PPP1R12B: variants seen among roughly 807,000 people sequenced by gnomAD.
The protein encoded by PPP1R12B is myosin phosphatase target subunit 2.
In PPP1R12B, 76 loss-of-function variants were observed where a neutral mutation model predicts 126.1. That is an observed-to-expected ratio of 0.60 (90% CI 0.50 to 0.73). The LOEUF (loss-of-function observed/expected upper bound fraction) is 0.73. PPP1R12B is among the 30% of genes least tolerant of loss of function. The pLI, the probability that PPP1R12B is intolerant of heterozygous loss-of-function variation, is 0.00. For missense variants in PPP1R12B, 1,052 were observed against 1,205.1 expected, an observed-to-expected ratio of 0.87 and a Z score of 1.88; for synonymous variants, 356 against 434.7, an observed-to-expected ratio of 0.82 and a Z score of 2.25.
At chr1:202,578,595 G>T (rs115583446) in intron 23 of PPP1R12B, among the ~76,000 whole-genome samples, 2,364 of 152,268 alleles carry the variant, frequency 0.016, 42 homozygotes, top group African/African-American at 0.047. Flanking sequence ...ATATTTTCTG[G>T]ATTAAGTCTT....
At chr1:202,559,060 A>T (rs1687254812) in intron 19 of PPP1R12B, among the ~76,000 whole-genome samples, 167 bp downstream of exon 19, 1 of 152,168 alleles carries the variant, frequency 6.6e-6, no homozygotes, top group African/African-American at 2.4e-5. Flanking sequence ...CTCCTGCCCA[A>T]AGCAATGGAA....
At position 202,472,379 on chromosome 1, in the gene PPP1R12B, A is replaced by G. The variant is rs185184520; in HGVS notation, c.1851-16154A>G. On this transcript the variant is annotated intron_variant, in intron 13 of 23. Coordinates refer to ENST00000608999, the MANE Select transcript of PPP1R12B (RefSeq NM_002481.4). ...GGTGGTGCTGAATTTGTCTTGGTCTAGTCTACTTTGTTGTAAATGATAAAT... is the reference window on the plus strand; with the variant it reads ...GGTGGTGCTGAATTTGTCTTGGTCTGGTCTACTTTGTTGTAAATGATAAAT... Among the ~76,000 whole-genome samples, 305 of 152,274 alleles carry G rather than the reference A, an allele frequency of 2.0e-3. 1 individual carries two copies. Among genetic ancestry groups the G allele is most frequent in the Non-Finnish European group, 2.6e-3 (178 of 68,028 alleles).
chr1:202,474,565 A>G (rs1184369945), intron 13 of PPP1R12B, among the ~76,000 whole-genome samples: 1 of 152,192 alleles, frequency 6.6e-6, no homozygotes, highest in Non-Finnish European at 1.5e-5. Flanking sequence ...GGCATGAGCC[A>G]CCGCGCCCAG....
At chr1:202,571,640 G>A (rs1202346850) in intron 23 of PPP1R12B, among the ~76,000 whole-genome samples, 1 of 152,192 alleles carries the variant, frequency 6.6e-6, no homozygotes, top group Non-Finnish European at 1.5e-5. Flanking sequence ...ATTTTTAGTA[G>A]AGACAGGGTT....
intron 13 of PPP1R12B, among the ~76,000 whole-genome samples, chr1:202,460,827 T>G (rs1674218221): frequency 6.6e-6 from 1 of 152,208 alleles, no homozygotes. Flanking sequence ...AAGGTGATTC[T>G]TTTAGTGCTT....
chr1:202,502,731 A>G (rs565723487), intron 18 of PPP1R12B: 3 of 153,962 alleles, frequency 1.9e-5, no homozygotes, highest in East Asian at 1.9e-4. Context: ...GGTTGACATT[A>G]TAAGTAGGGT....
intron 18 of PPP1R12B, among the ~76,000 whole-genome samples, chr1:202,556,727 G>A (rs1216597885): frequency 6.6e-6 from 1 of 152,144 alleles, no homozygotes; most frequent in African/African-American, 2.4e-5. Context: ...TGCTCTCCTG[G>A]TTCTGTCGTG....
At chr1:202,472,164 A>G (rs1676017846) in intron 13 of PPP1R12B, 13 of 881,016 alleles carry the variant, frequency 1.5e-5, no homozygotes, top group Non-Finnish European at 2.0e-5. Context: ...AAAGTTTTTT[A>G]TATATTCCAG....
intron 18 of PPP1R12B, among the ~76,000 whole-genome samples, chr1:202,545,251 T>G (rs1369106847): frequency 1.3e-5 from 2 of 152,196 alleles, no homozygotes; most frequent in Admixed American, 1.3e-4. Flanking sequence ...TAGCAGTAAT[T>G]GTTCAGCCCA....
intron 1 of PPP1R12B, among the ~76,000 whole-genome samples, chr1:202,374,493 C>CTCT (rs1660824776): frequency 1.1e-5 from 1 of 89,506 alleles, no homozygotes; most frequent in Non-Finnish European, 2.0e-5. Flanking sequence ...TTGTCTCTCT[C>CTCT]TTTTTTTTTT....
intron 18 of PPP1R12B, among the ~76,000 whole-genome samples, chr1:202,509,274 G>A (rs1470063779): frequency 6.6e-6 from 1 of 152,114 alleles, no homozygotes; most frequent in Non-Finnish European, 1.5e-5. Flanking sequence ...ATGTTGTTTG[G>A]GGCAGCATTA....
chr1:202,445,141 C>T, intron 12 of PPP1R12B: 1 of 1,246,868 alleles, frequency 8.0e-7, no homozygotes, highest in Non-Finnish European at 1.0e-6. Context: ...ATTGGTTCAT[C>T]TACCTCTCGG....
At chr1:202,479,260 G>T (rs1425796022) in intron 13 of PPP1R12B, among the ~76,000 whole-genome samples, 2 of 152,178 alleles carry the variant, frequency 1.3e-5, no homozygotes, top group Admixed American at 1.3e-4. Context: ...CCTGGTTGGG[G>T]ACTTCTGCTT....
chr1:202,439,621 C>T (rs1386698364), intron 10 of PPP1R12B: 41 of 927,222 alleles, frequency 4.4e-5, no homozygotes, highest in African/African-American at 1.6e-5. Context: ...GCCCTGTGCT[C>T]CATAACTCCC....
At chr1:202,478,134 G>A (rs1238182275) in intron 13 of PPP1R12B, among the ~76,000 whole-genome samples, 1 of 152,218 alleles carries the variant, frequency 6.6e-6, no homozygotes, top group African/African-American at 2.4e-5. Flanking sequence ...TGGAGTGAGG[G>A]CTTGCTCTAC....
chr1:202,512,232 C>T (rs1439543479), intron 18 of PPP1R12B, among the ~76,000 whole-genome samples: 2 of 152,180 alleles, frequency 1.3e-5, no homozygotes, highest in Non-Finnish European at 2.9e-5. Flanking sequence ...GAGATCATGC[C>T]GATCTGACTT....
At chr1:202,520,059 A>C (rs1304099265) in intron 18 of PPP1R12B, among the ~76,000 whole-genome samples, 1 of 152,212 alleles carries the variant, frequency 6.6e-6, no homozygotes, top group East Asian at 1.9e-4. Context: ...TCAGAAACAC[A>C]TTATTTTCTT....
At chr1:202,400,319 C>T (rs1198617219) in intron 1 of PPP1R12B, among the ~76,000 whole-genome samples, 1 of 151,718 alleles carries the variant, frequency 6.6e-6, no homozygotes, top group Non-Finnish European at 1.5e-5. Flanking sequence ...TATTCTGGGC[C>T]CTGGGGATAC....
chr1:202,446,252 A>ATTTTTTTTTT (rs1441894134), intron 12 of PPP1R12B, among the ~76,000 whole-genome samples: 1 of 57,284 alleles, frequency 1.7e-5, no homozygotes, highest in African/African-American at 8.0e-5. Flanking sequence ...ATATATATAT[A>ATTTTTTTTTT]TATATTTTTT....
Sources: allele counts gnomAD v4.1 joint callset (sites outside exome capture counted in the v4.1 genomes callset), GRCh38; gene constraint gnomAD v4.1.1; transcripts MANE v1.5; gene names NCBI Gene and HGNC (gene_info 2026-07-23, HGNC 2026-07-21).